Variants in ARHGEF38 observed in about 807,000 individuals in gnomAD.
ARHGEF38 encodes the protein Rho guanine nucleotide exchange factor (GEF) 38.
ARHGEF38 carries 79 observed loss-of-function variants against 79.9 expected under a neutral mutation model. The ratio of observed to expected loss-of-function variants is 0.99; its 90% CI spans 0.82 to 1.19. ARHGEF38 has a LOEUF of 1.19. ARHGEF38 is among the 50% of genes most tolerant of loss of function. ARHGEF38 has a pLI of 0.00. For missense variants in ARHGEF38, 962 were observed against 907.2 expected, an observed-to-expected ratio of 1.06 and a Z score of -0.78; for synonymous variants, 366 against 328.3, an observed-to-expected ratio of 1.11 and a Z score of -1.24.
At chr4:105,623,872 T>A (rs1242804186) in intron 3 of ARHGEF38, among the ~76,000 whole-genome samples, 1 of 152,168 alleles carries the variant, frequency 6.6e-6, no homozygotes, top group Non-Finnish European at 1.5e-5. Context: ...CACCCCCCAG[T>A]TTGTCCTGCT....
chr4:105,667,826 T>C (rs1730809966), intron 13 of ARHGEF38, 123 bp downstream of exon 13: 20 of 1,151,508 alleles, frequency 1.7e-5, no homozygotes, highest in Non-Finnish European at 2.3e-5. Context: ...GAGACCTGGC[T>C]CTATTAGCAC....
chr4:105,680,699 T>C lies in ARHGEF38; in HGVS notation c.*2762T>C, dbSNP rs1731279573. 3 of 152,386 alleles carry C rather than the reference T, an allele frequency of 2.0e-5. No individual in the cohort carries two copies. Among genetic ancestry groups the C allele is most frequent in the Admixed American group, 2.0e-4 (3 of 15,302 alleles). The allele number at this position is 152,386 out of a possible 1,614,324, so 9.4% of individuals were successfully genotyped here. ...ATATGTGTACTTATACATATGTACA[T>C]AACCTAAATATACGTGTGCACACAT... On this transcript the variant is annotated 3_prime_UTR_variant, in exon 14 of 14. Coordinates refer to ENST00000420470, the MANE Select transcript of ARHGEF38 (RefSeq NM_001242729.2).
chr4:105,603,526 G>T lies in ARHGEF38; in HGVS notation c.385-9858G>T, dbSNP rs144220472. On this transcript the variant is annotated intron_variant, in intron 2 of 13. Coordinates refer to ENST00000420470, the MANE Select transcript of ARHGEF38 (RefSeq NM_001242729.2). ...CTGGCCTTTTTCAGGCTATTCCCAT[G>T]ATGGTGGTGTTGGGGAGATTCTCTC... Among the ~76,000 whole-genome samples, 970 of 152,210 alleles carry T rather than the reference G, an allele frequency of 6.4e-3. 9 individuals carry two copies. The highest frequency in any genetic ancestry group is 0.022 in the African/African-American group (930 of 41,532).
At chr4:105,593,702 A>G (rs1276021213) in intron 2 of ARHGEF38, among the ~76,000 whole-genome samples, 1 of 152,238 alleles carries the variant, frequency 6.6e-6, no homozygotes, top group Non-Finnish European at 1.5e-5. Context: ...TAGCCCCGCT[A>G]AAATGAATGT....
intron 1 of ARHGEF38, among the ~76,000 whole-genome samples, chr4:105,560,482 TTA>T (rs1480757183): frequency 6.6e-6 from 1 of 152,136 alleles, no homozygotes; most frequent in African/African-American, 2.4e-5. Flanking sequence ...AAGAATGGAA[TTA>T]TGTGTGGGAA....
intron 2 of ARHGEF38, among the ~76,000 whole-genome samples, chr4:105,611,628 A>T (rs548908311): frequency 2.6e-5 from 4 of 152,168 alleles, no homozygotes; most frequent in East Asian, 1.9e-4. Flanking sequence ...GTGATATTAA[A>T]TATACTTTCT....
chr4:105,625,081 A>T (rs1728887658), intron 3 of ARHGEF38, among the ~76,000 whole-genome samples: 1 of 152,188 alleles, frequency 6.6e-6, no homozygotes, highest in Non-Finnish European at 1.5e-5. Context: ...GCCATAATTT[A>T]TACATGAGAT....
intron 5 of ARHGEF38, among the ~76,000 whole-genome samples, chr4:105,642,108 G>A (rs1469527928): frequency 6.6e-6 from 1 of 152,138 alleles, no homozygotes; most frequent in African/African-American, 2.4e-5. Context: ...GGACTCATCT[G>A]CCTCGCATGG....
intron 10 of ARHGEF38, among the ~76,000 whole-genome samples, chr4:105,662,468 C>T (rs1730597037): frequency 1.3e-5 from 2 of 151,968 alleles, no homozygotes; most frequent in Non-Finnish European, 2.9e-5. Context: ...TTATAAAGGA[C>T]TTCCATATTT....
intron 6 of ARHGEF38, among the ~76,000 whole-genome samples, chr4:105,646,711 C>G (rs1729856969): frequency 6.6e-6 from 1 of 152,042 alleles, no homozygotes; most frequent in African/African-American, 2.4e-5. Context: ...AAAAAAGACA[C>G]ATTAATCCAG....
At chr4:105,576,362 C>T (rs1400927483) in intron 1 of ARHGEF38, among the ~76,000 whole-genome samples, 3 of 150,426 alleles carry the variant, frequency 2.0e-5, no homozygotes, top group East Asian at 1.9e-4. Context: ...AGAATTTTCA[C>T]CTCCTTGGTT....
chr4:105,650,719 C>T lies in ARHGEF38; in HGVS notation c.1008+2037C>T, dbSNP rs75663150. ...GTTCTTGTTTCTTCTTGTGACTGTA[C>T]CAAATTTACCAACATGTACATTCTT... On this transcript the variant is annotated intron_variant, in intron 7 of 13. Transcript: ENST00000420470. 6.0e-3 allele frequency among the ~76,000 whole-genome samples: 907 copies of T among 152,276 alleles called. 8 individuals carry two copies. The highest frequency in any genetic ancestry group is 0.021 in the African/African-American group (867 of 41,556).
At chr4:105,598,831 G>T (rs1002382178) in intron 2 of ARHGEF38, among the ~76,000 whole-genome samples, 1 of 151,394 alleles carries the variant, frequency 6.6e-6, no homozygotes. Flanking sequence ...TTGATTTTAT[G>T]TAAGTGTGTT....
At chr4:105,554,507 G>A (rs774212034) in intron 1 of ARHGEF38, among the ~76,000 whole-genome samples, 10 of 152,168 alleles carry the variant, frequency 6.6e-5, no homozygotes, top group Non-Finnish European at 1.2e-4. Context: ...GCCTCCGGTT[G>A]TATCCATGTT....
Position 105,575,687 on chromosome 4 carries a change from C to T in ARHGEF38, c.197-13561C>T, listed in dbSNP as rs934875210. Among the ~76,000 whole-genome samples the T allele has an allele frequency of 3.3e-5, 5 of 151,622 alleles. 1 individual carries two copies. Among genetic ancestry groups the T allele is most frequent in the Non-Finnish European group, 7.4e-5 (5 of 67,868 alleles). On this transcript the variant is annotated intron_variant, in intron 1 of 13. Coordinates refer to ENST00000420470, the MANE Select transcript of ARHGEF38 (RefSeq NM_001242729.2). ...CATTTATTTATTTTTGCTTTTTTTC[C>T]ATTTGCTTTTAGGGTTTTAGTCATA...
intron 1 of ARHGEF38, among the ~76,000 whole-genome samples, chr4:105,563,582 TG>T (rs1431742206): frequency 6.6e-6 from 1 of 152,234 alleles, no homozygotes; most frequent in African/African-American, 2.4e-5. Context: ...TAATAGCAAC[TG>T]GTGAAGTCAG....
chr4:105,647,242 C>T (rs985197767), intron 6 of ARHGEF38, among the ~76,000 whole-genome samples: 17 of 152,038 alleles, frequency 1.1e-4, no homozygotes, highest in East Asian at 3.8e-4. Flanking sequence ...TTTCTTCAGA[C>T]GTACTCTGTC....
At chr4:105,616,759 C>T (rs1039881304) in intron 3 of ARHGEF38, among the ~76,000 whole-genome samples, 2 of 152,050 alleles carry the variant, frequency 1.3e-5, no homozygotes, top group Admixed American at 6.6e-5. Flanking sequence ...TATCATTGAC[C>T]ATAGACAATC....
chr4:105,561,400 T>TAGAATAGAATGGAATAGAATGGAATAG (rs59437354), intron 1 of ARHGEF38, among the ~76,000 whole-genome samples: 1 of 30,160 alleles, frequency 3.3e-5, no homozygotes, highest in Admixed American at 4.0e-4. Flanking sequence ...TAGAGTAGAA[T>TAGAATAGAATGGAATAGAATGGAATAG]AATAGAATAG....
Sources: gnomAD v4.1 joint callset for allele counts (sites outside exome capture counted in the v4.1 genomes callset) on GRCh38, gnomAD v4.1.1 for gene constraint, MANE v1.5 for transcripts, NCBI Gene and HGNC (gene_info 2026-07-23, HGNC 2026-07-21) for gene names.